The following ABI3BP variants were observed in gnomAD, a reference collection of about 807,000 sequenced individuals.
The protein encoded by ABI3BP is ABI family member 3 binding protein, also known as target of Nesh-SH3.
A neutral mutation model predicts 268.6 loss-of-function variants in ABI3BP; 216 were observed. The ratio of observed to expected loss-of-function variants is 0.80; its 90% CI spans 0.72 to 0.90. The LOEUF (loss-of-function observed/expected upper bound fraction) is 0.90. Ranked by LOEUF, ABI3BP falls within the 40% of genes least tolerant of loss-of-function variation. The probability of loss-of-function intolerance (pLI) is 0.00; values close to 1 mark genes in which losing one functional copy is unlikely to be tolerated. For missense variants in ABI3BP, 2,090 were observed against 2,182.4 expected (o/e 0.96, Z 0.84); for synonymous variants, 730 against 730.0 (o/e 1.00, Z 0.00).
At chr3:100,851,800 G>A in intron 15 of ABI3BP, 75 bp downstream of exon 15, 1 of 1,314,758 alleles carries the variant, frequency 7.6e-7, no homozygotes, top group South Asian at 1.4e-5. Context: ...TTTCCACTCT[G>A]CAAAAACTAA....
rs201663575 is a variant in ABI3BP at position 100,792,751 on chromosome 3, T to C, written c.3964A>G (p.Thr1322Ala). ...ATCTTAGTTGTGAAAGGTTCTTGGG[T>C]GGATTGGTCTGTTTCTTCTAGAGAA... Reference protein sequence around the residue: ...QTTLEETDQSTQEPFTTKIPR... With the variant: ...QTTLEETDQSAQEPFTTKIPR... Residue 1322 changes from threonine to alanine, a missense_variant, in exon 55 of 68, where the codon ACC becomes GCC. Transcript: ENST00000471714. 4.3e-5 allele frequency: 69 copies of C among 1,611,310 alleles called. No homozygotes were observed. Among genetic ancestry groups the C allele is most frequent in the Non-Finnish European group, 5.3e-5 (63 of 1,178,204 alleles).
At chr3:100,753,745 G>C (rs924728936) in intron 65 of ABI3BP, 74 bp downstream of exon 65, 72 of 1,529,218 alleles carry the variant, frequency 4.7e-5, no homozygotes, top group Non-Finnish European at 6.4e-5. Flanking sequence ...TCATGATTCA[G>C]ATTCTGCCAT....
intron 1 of ABI3BP, among the ~76,000 whole-genome samples, chr3:100,962,534 C>T (rs2713767): frequency 1 from 152,269 of 152,300 alleles, 76,119 homozygotes; most frequent in Non-Finnish European, 1. Context: ...TCTCCTTCTA[C>T]TTCCTTCTCT....
At chr3:100,886,738 T>C (rs2042142177) in intron 4 of ABI3BP, among the ~76,000 whole-genome samples, 1 of 151,890 alleles carries the variant, frequency 6.6e-6, no homozygotes, top group Admixed American at 6.6e-5. Context: ...AGCTTTTTCA[T>C]CCATGAAGGA....
chr3:100,944,526 A>T (rs2071169970), intron 1 of ABI3BP, among the ~76,000 whole-genome samples: 1 of 152,144 alleles, frequency 6.6e-6, no homozygotes. Context: ...CCAGGGAGCA[A>T]ATTGAAAATA....
rs181352682 is a variant in ABI3BP at position 100,802,362 on chromosome 3, G to A, written c.3757+2430C>T. Among the ~76,000 whole-genome samples, 6 of 152,292 alleles carry A rather than the reference G, an allele frequency of 3.9e-5. No homozygotes were observed. The East Asian group carries it at 1.2e-3, about 29-fold the overall frequency. The stretch of plus-strand genomic sequence containing the variant: ...GACCACAAAGCCAAGACAGCTCTTG[G>A]TGTAGAAAGGAACTCATAAGGAAGA... On this transcript the variant is annotated intron_variant, in intron 51 of 67. Transcript: ENST00000471714.
intron 46 of ABI3BP, 104 bp downstream of exon 46, chr3:100,812,363 C>A: frequency 1.5e-6 from 1 of 682,298 alleles, no homozygotes; most frequent in African/African-American, 1.9e-5. Context: ...CTGTGAGGAG[C>A]AAGTGGCTAT....
At chr3:100,836,681 G>A (rs1023255825) in intron 27 of ABI3BP, among the ~76,000 whole-genome samples, 7 of 152,202 alleles carry the variant, frequency 4.6e-5, no homozygotes, top group Admixed American at 1.3e-4. Flanking sequence ...TATGAATAAT[G>A]TGGAACAGGA....
chr3:100,963,027 A>T (rs550633554), intron 1 of ABI3BP, among the ~76,000 whole-genome samples: 1 of 152,288 alleles, frequency 6.6e-6, no homozygotes, highest in African/African-American at 2.4e-5. Flanking sequence ...CTAGTACAGG[A>T]AATAACCATC....
At chr3:100,801,441 G>A (rs78444560) in intron 51 of ABI3BP, among the ~76,000 whole-genome samples, 15,849 of 99,356 alleles carry the variant, frequency 0.16, 1,366 homozygotes, top group South Asian at 0.28. Context: ...AAAAAAAAAA[G>A]AAAAGAAAAG....
chr3:100,759,637 G>T lies in ABI3BP; in HGVS notation c.4851-4946C>A, dbSNP rs535199278. On this transcript the variant is annotated intron_variant, in intron 63 of 67. Coordinates refer to ENST00000471714, the MANE Select transcript of ABI3BP (RefSeq NM_001375547.2). ...ACTTTCTTCCACTCCCTTCCTAAAT[G>T]CCAAGCAATAGCAAAGAAAAATAAA... Among the ~76,000 whole-genome samples the T allele has an allele frequency of 2.6e-5, 4 of 152,234 alleles. No individual in the cohort carries two copies. In the South Asian group the frequency reaches 6.2e-4, roughly 24 times the overall value.
intron 1 of ABI3BP, among the ~76,000 whole-genome samples, chr3:100,942,694 G>A (rs1419297621): frequency 2.6e-5 from 4 of 152,150 alleles, no homozygotes; most frequent in African/African-American, 9.6e-5. Context: ...TGAAAGTATG[G>A]TCTCCAGATT....
At chr3:100,758,225 A>C (rs1222802456) in intron 63 of ABI3BP, among the ~76,000 whole-genome samples, 2 of 152,232 alleles carry the variant, frequency 1.3e-5, no homozygotes, top group Non-Finnish European at 2.9e-5. Flanking sequence ...GTGTGACTTT[A>C]AGGTAACTTA....
chr3:100,907,845 G>C (rs1402993716), intron 2 of ABI3BP, among the ~76,000 whole-genome samples: 1 of 152,154 alleles, frequency 6.6e-6, no homozygotes, highest in Non-Finnish European at 1.5e-5. Context: ...GCCGGGAGTG[G>C]TAGCTCACGC....
At chr3:100,941,891 G>A (rs1273365591) in intron 1 of ABI3BP, among the ~76,000 whole-genome samples, 2 of 152,042 alleles carry the variant, frequency 1.3e-5, no homozygotes, top group African/African-American at 4.8e-5. Context: ...ATCTGATTAT[G>A]CTAAAATTAC....
At chr3:100,904,317 C>T (rs182550837) in intron 2 of ABI3BP, among the ~76,000 whole-genome samples, 1 of 152,258 alleles carries the variant, frequency 6.6e-6, no homozygotes, top group African/African-American at 2.4e-5. Flanking sequence ...TCTTGAAATT[C>T]TTAACACTTT....
chr3:100,980,038 T>C (rs1375510), intron 1 of ABI3BP, among the ~76,000 whole-genome samples: 84,825 of 151,966 alleles, frequency 0.56, 24,309 homozygotes, highest in East Asian at 0.89. Flanking sequence ...ATATTTAAAA[T>C]TTGAGTTGTT....
At chr3:100,881,162 AAT>A (rs2039044062) in intron 6 of ABI3BP, among the ~76,000 whole-genome samples, 1 of 152,216 alleles carries the variant, frequency 6.6e-6, no homozygotes, top group Non-Finnish European at 1.5e-5. Flanking sequence ...ATGATGTATT[AAT>A]AGTTTGCCTA....
intron 2 of ABI3BP, among the ~76,000 whole-genome samples, chr3:100,918,306 ATCCACCCGTCCACCTGTCCACCCG>A (rs2059283642): frequency 1.4e-5 from 2 of 139,402 alleles, no homozygotes; most frequent in African/African-American, 2.5e-5. Context: ...CCATCCACCC[ATCCACCCGTCCACCTGTCCACCCG>A]TCCACCCATC....
Sources: allele counts gnomAD v4.1 joint callset (sites outside exome capture counted in the v4.1 genomes callset), GRCh38; gene constraint gnomAD v4.1.1; transcripts MANE v1.5; gene names NCBI Gene and HGNC (gene_info 2026-07-23, HGNC 2026-07-21).